DENND1A: variants seen among roughly 807,000 people sequenced by gnomAD.
DENND1A encodes the protein DENN domain containing 1A.
In DENND1A, 51 loss-of-function variants were observed where a neutral mutation model predicts 113.7. The ratio of observed to expected loss-of-function variants is 0.45; its 90% confidence interval spans 0.36 to 0.57. The LOEUF (loss-of-function observed/expected upper bound fraction) is 0.57. Ranked by LOEUF, DENND1A falls within the 20% of genes least tolerant of loss-of-function variation. The pLI is 0.00. For synonymous variants in DENND1A, 565 were observed against 570.8 expected (o/e 0.99, Z 0.14); for missense variants, 1,258 against 1,395.9 (o/e 0.90, Z 1.57).
At chr9:123,857,087 T>C (rs995899458) in intron 2 of DENND1A, among the ~76,000 whole-genome samples, 1 of 151,132 alleles carries the variant, frequency 6.6e-6, no homozygotes, top group South Asian at 2.1e-4. Context: ...AACACCACCA[T>C]AGCAATGAAC....
At position 123,387,777 on chromosome 9, in the gene DENND1A, C is replaced by T. The variant is rs367855684; in HGVS notation, c.1713G>A (p.Pro571=). 3.4e-5 allele frequency: 44 copies of T among 1,289,218 alleles called. No homozygotes were observed. In the Admixed American group the frequency reaches 4.8e-4, roughly 14 times the overall value. The allele number at this position is 1,289,218 out of a possible 1,614,324, so 79.9% of individuals were successfully genotyped here. ...SDDECQREEG[P]SSGFTESFFF... is the part of the protein sequence containing the mutation. The stretch of plus-strand genomic sequence containing the variant: ...AAAAGCTCTCGGTGAAGCCAGAGCT[C>T]GGGCCCTCTTCCCGCTGGCATTCAT... The change falls in exon 22 of 24, where the codon CCG becomes CCA. Residue 571 remains proline (P), a synonymous_variant. Transcript: ENST00000394215.
In DENND1A at chr9:123,383,807, G is replaced by C; in HGVS notation, c.1867C>G (p.Pro623Ala). ...AGGTCGATGCTGGCAGCCCGGTCAG[G>C]GGGAGCTGGGACAGGGCCTGTGGAC... ...RKSTGPVPAPPDRAASIDLLE... is the reference protein window; with the variant it reads ...RKSTGPVPAPADRAASIDLLE... The change falls in exon 23 of 24, where the codon CCT becomes GCT. Residue 623 changes from proline to alanine, a missense_variant. Coordinates refer to ENST00000394215, the MANE Select transcript of DENND1A (RefSeq NM_001352964.2). 5.0e-6 allele frequency: 8 copies of C among 1,614,066 alleles called. No homozygotes were observed. Among genetic ancestry groups the C allele is most frequent in the Non-Finnish European group, 5.9e-6 (7 of 1,180,046 alleles).
chr9:123,410,481 C>T (rs1239423968), intron 20 of DENND1A, among the ~76,000 whole-genome samples: 2 of 152,196 alleles, frequency 1.3e-5, no homozygotes, highest in African/African-American at 2.4e-5. Flanking sequence ...GATGGATCCA[C>T]GGTCACGTGT....
At chr9:123,382,761 C>T in intron 23 of DENND1A, 136 bp from the exon 24 acceptor site, 1 of 909,692 alleles carries the variant, frequency 1.1e-6, no homozygotes, top group Non-Finnish European at 1.7e-6. Context: ...GGACTTGGAA[C>T]AGCTGAGGGC....
intron 2 of DENND1A, among the ~76,000 whole-genome samples, chr9:123,832,960 G>A (rs781303238): frequency 4.6e-5 from 7 of 151,866 alleles, no homozygotes; most frequent in Non-Finnish European, 7.4e-5. Flanking sequence ...AGCACAGCAG[G>A]AAATTAGCCA....
intron 5 of DENND1A, among the ~76,000 whole-genome samples, chr9:123,723,452 G>A (rs971189472): frequency 6.6e-6 from 1 of 152,136 alleles, no homozygotes; most frequent in Non-Finnish European, 1.5e-5. Flanking sequence ...AGGGGCTGGG[G>A]TGGAATGATA....
chr9:123,855,453 T>C (rs1269082370), intron 2 of DENND1A, among the ~76,000 whole-genome samples: 2 of 151,908 alleles, frequency 1.3e-5, no homozygotes, highest in Non-Finnish European at 2.9e-5. Context: ...AAGAGTATTG[T>C]ACAGAAAAGA....
chr9:123,535,072 C>G (rs557033642), intron 13 of DENND1A, among the ~76,000 whole-genome samples: 1 of 152,226 alleles, frequency 6.6e-6, no homozygotes, highest in South Asian at 2.1e-4. Context: ...CACCTCTACC[C>G]AAATAACACC....
chr9:123,557,241 A>G (rs1184155177), intron 13 of DENND1A, among the ~76,000 whole-genome samples: 1 of 152,162 alleles, frequency 6.6e-6, no homozygotes, highest in Non-Finnish European at 1.5e-5. Context: ...GATCACCGCT[A>G]CTGCACAGGT....
chr9:123,404,207 G>A (rs2043748536), intron 20 of DENND1A, among the ~76,000 whole-genome samples: 1 of 152,194 alleles, frequency 6.6e-6, no homozygotes, highest in South Asian at 2.1e-4. Flanking sequence ...CTGACCCGCT[G>A]TCTCTGAAAG....
chr9:123,678,005 G>A (rs1301646516), intron 5 of DENND1A, among the ~76,000 whole-genome samples: 1 of 152,048 alleles, frequency 6.6e-6, no homozygotes, highest in Non-Finnish European at 1.5e-5. Flanking sequence ...ACCTCTGTGG[G>A]TCTAGTCTAG....
intron 13 of DENND1A, among the ~76,000 whole-genome samples, chr9:123,530,289 G>C (rs1589003550): frequency 1.3e-5 from 2 of 152,108 alleles, no homozygotes; most frequent in Admixed American, 1.3e-4. Flanking sequence ...AGGCGAAAGA[G>C]AACATCTTCA....
intron 11 of DENND1A, among the ~76,000 whole-genome samples, chr9:123,600,714 C>G (rs538423398): frequency 1.1e-3 from 170 of 152,186 alleles, no homozygotes; most frequent in Non-Finnish European, 2.1e-3. Flanking sequence ...ACCTGTAGTC[C>G]CAGCTACTTG....
chr9:123,690,215 T>C lies in DENND1A; in HGVS notation c.303-13426A>G, dbSNP rs113454947. Among the ~76,000 whole-genome samples, 1,429 of 152,046 alleles carry C rather than the reference T, an allele frequency of 9.4e-3. 23 individuals carry two copies. Among genetic ancestry groups the C allele is most frequent in the African/African-American group, 0.033 (1,347 of 41,436 alleles). On this transcript the variant is annotated intron_variant, in intron 5 of 23. Coordinates refer to ENST00000394215, the MANE Select transcript of DENND1A (RefSeq NM_001352964.2). ...CCACTATGTGTCACATGCCATCATATATGCTCCTAGAAAGACCAGAAGAAA... is the reference window on the plus strand; with the variant it reads ...CCACTATGTGTCACATGCCATCATACATGCTCCTAGAAAGACCAGAAGAAA...
intron 7 of DENND1A, among the ~76,000 whole-genome samples, chr9:123,670,881 G>A (rs1297136908): frequency 6.6e-6 from 1 of 152,202 alleles, no homozygotes; most frequent in Non-Finnish European, 1.5e-5. Context: ...GCAAACAGGG[G>A]AGAGGCAATG....
At chr9:123,471,523 A>G (rs142291085) in intron 13 of DENND1A, among the ~76,000 whole-genome samples, 79 of 152,350 alleles carry the variant, frequency 5.2e-4, no homozygotes, top group Middle Eastern at 3.4e-3. Context: ...AGGACATGTG[A>G]CAGGGCAGTG....
chr9:123,928,860 G>A (rs1857537179), intron 1 of DENND1A: 5 of 985,442 alleles, frequency 5.1e-6, no homozygotes, highest in Middle Eastern at 5.2e-4. Flanking sequence ...TCTTGTAAGA[G>A]GGTTTAAAGT....
intron 2 of DENND1A, among the ~76,000 whole-genome samples, chr9:123,817,108 G>A (rs549859905): frequency 5.3e-5 from 8 of 152,244 alleles, no homozygotes; most frequent in African/African-American, 1.9e-4. Context: ...TGGTAACCCC[G>A]ATGGTAATGT....
intron 2 of DENND1A, among the ~76,000 whole-genome samples, chr9:123,825,870 A>C (rs143847997): frequency 4.6e-5 from 7 of 152,322 alleles, no homozygotes; most frequent in African/African-American, 1.7e-4. Flanking sequence ...TGGCCAAAGA[A>C]ATGTGAATGC....
Sources: gnomAD v4.1 joint callset for allele counts (sites outside exome capture counted in the v4.1 genomes callset) on GRCh38, gnomAD v4.1.1 for gene constraint, MANE v1.5 for transcripts, NCBI Gene and HGNC (gene_info 2026-07-23, HGNC 2026-07-21) for gene names.